SWT1: variants seen among roughly 807,000 people sequenced by gnomAD.
SWT1 encodes the protein transcriptional protein SWT1.
SWT1 carries 33 observed loss-of-function variants against 107.3 expected under a neutral mutation model. That is an observed-to-expected ratio of 0.31 (90% CI 0.23 to 0.41). SWT1 has a LOEUF of 0.41. Ranked by LOEUF, SWT1 falls within the 10% of genes least tolerant of loss-of-function variation. SWT1 has a pLI of 1.00. For missense variants in SWT1, 898 were observed against 1,028.9 expected (o/e 0.87, Z 1.74); for synonymous variants, 345 against 348.3 (o/e 0.99, Z 0.11).
At chr1:185,236,078 C>A (rs1158023938) in intron 16 of SWT1, among the ~76,000 whole-genome samples, 1 of 152,130 alleles carries the variant, frequency 6.6e-6, no homozygotes, top group African/African-American at 2.4e-5. Flanking sequence ...ACATTTCATG[C>A]TCATGAGTAG....
chr1:185,190,603 A>G lies in SWT1; in HGVS notation c.1484A>G (p.His495Arg). Residue 495 changes from histidine (H) to arginine (R), a missense_variant, in exon 10 of 19, where the codon CAC becomes CGC. His to Arg is a conservative substitution (Grantham distance 29). Coordinates refer to ENST00000367500, the MANE Select transcript of SWT1 (RefSeq NM_017673.7). Reference protein sequence around the residue: ...DDRVLKCCLQHQELFPCSFVI... With the variant: ...DDRVLKCCLQRQELFPCSFVI... ...CGAGTACTAAAATGCTGTCTCCAGCACCAGGAATTATTCCCTTGTTCTTTT... is the reference window on the plus strand; with the variant it reads ...CGAGTACTAAAATGCTGTCTCCAGCGCCAGGAATTATTCCCTTGTTCTTTT... 1 of 1,611,186 alleles carries G rather than the reference A, an allele frequency of 6.2e-7. No individual in the cohort carries two copies. The highest frequency in any genetic ancestry group is 8.5e-7 in the Non-Finnish European group (1 of 1,177,574).
At chr1:185,263,557 G>C (rs1245871740) in intron 16 of SWT1, 1 of 152,218 alleles carries the variant, frequency 6.6e-6, no homozygotes, top group Non-Finnish European at 1.5e-5. Context: ...AGAATATGCT[G>C]TTTTGTAGAC....
At chr1:185,164,597 CTTTTATG>C (rs1461634099) in intron 2 of SWT1, among the ~76,000 whole-genome samples, 1 of 152,192 alleles carries the variant, frequency 6.6e-6, no homozygotes, top group Non-Finnish European at 1.5e-5. Context: ...TCACCTTGTA[CTTTTATG>C]TTACAGAGAT....
chr1:185,222,695 G>A (rs1243983263), intron 15 of SWT1, among the ~76,000 whole-genome samples: 1 of 149,918 alleles, frequency 6.7e-6, no homozygotes, highest in Non-Finnish European at 1.5e-5. Flanking sequence ...AATCTGGAAG[G>A]TGGAGGTTGC....
At chr1:185,197,809 T>G (rs558778680) in intron 10 of SWT1, among the ~76,000 whole-genome samples, 2 of 152,270 alleles carry the variant, frequency 1.3e-5, no homozygotes, top group African/African-American at 4.8e-5. Flanking sequence ...GATATCCCCT[T>G]TATCATTTTT....
intron 5 of SWT1, chr1:185,176,940 C>T (rs778119251): frequency 2.0e-4 from 142 of 705,256 alleles, no homozygotes; most frequent in Non-Finnish European, 2.1e-4. Context: ...GCCAAGATCG[C>T]GCCACTGCAC....
At chr1:185,171,432 G>T in intron 4 of SWT1, 1 of 268,582 alleles carries the variant, frequency 3.7e-6, no homozygotes, top group Non-Finnish European at 7.5e-6. Flanking sequence ...GTCCAATCAC[G>T]TAGATTGTTC....
intron 5 of SWT1, among the ~76,000 whole-genome samples, chr1:185,177,753 GT>G (rs1326467437): frequency 6.6e-6 from 1 of 151,912 alleles, no homozygotes; most frequent in East Asian, 1.9e-4. Flanking sequence ...TGTTTCTTAG[GT>G]TTTATAGTTC....
rs537352523 is a variant in SWT1 at position 185,231,473 on chromosome 1, G to A, written c.2310-104G>A. The A allele has an allele frequency of 1.5e-4, 119 of 817,604 alleles. 2 individuals carry two copies. Among genetic ancestry groups the A allele is most frequent in the South Asian group, 1.2e-3 (79 of 64,944 alleles). 50.6% of individuals were successfully genotyped at this position (817,604 alleles called of 1,614,324 possible). A position where few individuals can be genotyped will look rare whatever the true frequency, so the allele number is the denominator to read the frequency against. On this transcript the variant is annotated intron_variant, in intron 15 of 18. Transcript: ENST00000367500. ...AATAGATCAGCATTCTGAGAGATTAGTGATAATAAATACTACTTTACTTTA... is the reference window on the plus strand; with the variant it reads ...AATAGATCAGCATTCTGAGAGATTAATGATAATAAATACTACTTTACTTTA...
chr1:185,178,745 T>G (rs1296000369), intron 5 of SWT1, among the ~76,000 whole-genome samples: 1 of 151,996 alleles, frequency 6.6e-6, no homozygotes, highest in Non-Finnish European at 1.5e-5. Flanking sequence ...TGGCACTTCT[T>G]AAAGAGAACT....
At chr1:185,188,139 A>G (rs1656657500) in intron 9 of SWT1, among the ~76,000 whole-genome samples, 1 of 152,220 alleles carries the variant, frequency 6.6e-6, no homozygotes, top group South Asian at 2.1e-4. Flanking sequence ...TGGGAAAACA[A>G]GGATACATAA....
chr1:185,251,871 GC>G (rs1662056360), intron 16 of SWT1, among the ~76,000 whole-genome samples: 1 of 151,746 alleles, frequency 6.6e-6, no homozygotes. Flanking sequence ...GTATACATGT[GC>G]CATGCTGGTG....
rs1660510902 is a variant in SWT1, at chr1:185,231,582, A to C, written c.2315A>C (p.Asp772Ala). The change falls in exon 16 of 19, where the codon GAT becomes GCT. Residue 772 changes from aspartate (D) to alanine (A), a missense_variant. Physicochemically the swap from Asp to Ala is moderately radical, Grantham distance 126. Transcript: ENST00000367500. ...CTTTTTTTTCTCTATTTTAGCACGG[A>C]TGTATTTCAAAGATTGGGCTCAAAT... ...VWITIYQNST[D>A]VFQRLGSNSA... 1 of 1,606,532 alleles carries C rather than the reference A, an allele frequency of 6.2e-7. No individual in the cohort carries two copies. The highest frequency in any genetic ancestry group is 1.3e-5 in the African/African-American group (1 of 74,798).
chr1:185,215,236 T>G (rs1659126629), intron 14 of SWT1, among the ~76,000 whole-genome samples: 1 of 152,230 alleles, frequency 6.6e-6, no homozygotes, highest in Non-Finnish European at 1.5e-5. Flanking sequence ...CCTGTCTGTC[T>G]GTCCATCTAT....
At chr1:185,209,166 C>T (rs1658568092) in intron 13 of SWT1, among the ~76,000 whole-genome samples, 1 of 152,060 alleles carries the variant, frequency 6.6e-6, no homozygotes. Flanking sequence ...CTGTTGTTAT[C>T]TCAGAAATGC....
At chr1:185,275,731 A>G (rs1220751397) in intron 17 of SWT1, among the ~76,000 whole-genome samples, 1 of 151,996 alleles carries the variant, frequency 6.6e-6, no homozygotes, top group Non-Finnish European at 1.5e-5. Context: ...AACATTTTCT[A>G]CACAAATATG....
chr1:185,246,973 A>T (rs1401499203), intron 16 of SWT1, among the ~76,000 whole-genome samples: 1 of 152,012 alleles, frequency 6.6e-6, no homozygotes, highest in Non-Finnish European at 1.5e-5. Context: ...TTTTCTTTAC[A>T]TTCTATTGTG....
At chr1:185,196,070 G>T (rs1206377193) in intron 10 of SWT1, among the ~76,000 whole-genome samples, 1 of 152,150 alleles carries the variant, frequency 6.6e-6, no homozygotes, top group Non-Finnish European at 1.5e-5. Flanking sequence ...CTTTGCCCAT[G>T]CCTATGTCCT....
At chr1:185,269,223 G>A (rs1427799946) in intron 16 of SWT1, among the ~76,000 whole-genome samples, 1 of 152,032 alleles carries the variant, frequency 6.6e-6, no homozygotes, top group African/African-American at 2.4e-5. Flanking sequence ...CTAAAGGATT[G>A]GTTTAACTTA....
Sources: gnomAD v4.1 joint callset for allele counts (sites outside exome capture counted in the v4.1 genomes callset) on GRCh38, gnomAD v4.1.1 for gene constraint, MANE v1.5 for transcripts, NCBI Gene and HGNC (gene_info 2026-07-23, HGNC 2026-07-21) for gene names.